GIMAP8: variants seen among roughly 807,000 people sequenced by gnomAD.
The protein encoded by GIMAP8 is GTPase IMAP family member 8.
Under a neutral mutation model 35.6 loss-of-function variants are expected in GIMAP8, and 29 were observed. The observed-to-expected ratio is 0.81, with a 90% CI of 0.61 to 1.11. The LOEUF (loss-of-function observed/expected upper bound fraction) is 1.11, where lower values mean the gene tolerates loss of function less well. Ranked by LOEUF, GIMAP8 falls within the 50% of genes most tolerant of loss-of-function variation. The probability of loss-of-function intolerance (pLI) is 0.00; values close to 1 mark genes in which losing one functional copy is unlikely to be tolerated. For synonymous variants in GIMAP8, 335 were observed against 308.7 expected, an observed-to-expected ratio of 1.09 and a Z score of -0.89; for missense variants, 811 against 805.0, an observed-to-expected ratio of 1.01 and a Z score of -0.09.
intron 4 of GIMAP8, among the ~76,000 whole-genome samples, chr7:150,475,446 A>G (rs1042168843): frequency 6.6e-6 from 1 of 152,160 alleles, no homozygotes; most frequent in Non-Finnish European, 1.5e-5. Flanking sequence ...GATCTTTACT[A>G]TCTCTTCAAC....
Position 150,472,092 on chromosome 7 carries a change from C to T in GIMAP8, c.682+1218C>T, listed in dbSNP as rs1040003671. Among the ~76,000 whole-genome samples, 5 of 152,250 alleles carry T rather than the reference C, an allele frequency of 3.3e-5. No individual in the cohort carries two copies. Among genetic ancestry groups the T allele is most frequent in the Non-Finnish European group, 4.4e-5 (3 of 68,030 alleles). On this transcript the variant is annotated intron_variant, in intron 3 of 4. Transcript: ENST00000307271. The surrounding 1 kb of genome is among the most constrained non-coding windows in gnomAD (Gnocchi z 4.1). Reference sequence around the variant, plus strand: ...CCCTTTGGCCGAGACCCCAGGAACACACGTGTGACTGAACAAAAGTGCGTT... The same window carrying T: ...CCCTTTGGCCGAGACCCCAGGAACATACGTGTGACTGAACAAAAGTGCGTT...
intron 1 of GIMAP8, among the ~76,000 whole-genome samples, chr7:150,460,085 G>T (rs1801812926): frequency 2.0e-5 from 3 of 152,098 alleles, no homozygotes; most frequent in South Asian, 2.1e-4. Context: ...AGCCAGATTG[G>T]CCTTAGTGAA....
intron 3 of GIMAP8, among the ~76,000 whole-genome samples, chr7:150,471,468 A>G (rs946912605): frequency 1.3e-5 from 2 of 152,260 alleles, no homozygotes; most frequent in African/African-American, 4.8e-5. Flanking sequence ...CCAGTCGTGA[A>G]TAAGATAGAC....
rs555975141 is a variant in GIMAP8, at chr7:150,450,681, A to C, written c.-523A>C. 84 of 152,398 alleles carry C rather than the reference A, an allele frequency of 5.5e-4. No homozygotes were observed. The highest frequency in any genetic ancestry group is 1.8e-3 in the African/African-American group (73 of 41,572). 9.4% of individuals were successfully genotyped at this position (152,398 alleles called of 1,614,324 possible). On this transcript the variant is annotated 5_prime_UTR_variant, in exon 1 of 5. Transcript: ENST00000307271. This position sits in a 1 kb window ranked among gnomAD's most constrained non-coding sequence, Gnocchi z 4.4. ...CCACAATCTCTGTCCTCTCAGGAACAGGAACTGGCTTGACGTCCTTTTCCT... is the reference window on the plus strand; with the variant it reads ...CCACAATCTCTGTCCTCTCAGGAACCGGAACTGGCTTGACGTCCTTTTCCT...
chr7:150,462,462 G>T (rs1801862098), intron 1 of GIMAP8, among the ~76,000 whole-genome samples: 1 of 152,110 alleles, frequency 6.6e-6, no homozygotes, highest in African/African-American at 2.4e-5. Flanking sequence ...TTTTCATGGT[G>T]GTAGATACTG....
intron 1 of GIMAP8, among the ~76,000 whole-genome samples, chr7:150,459,580 T>C (rs1006679016): frequency 1.3e-5 from 2 of 152,158 alleles, no homozygotes; most frequent in East Asian, 1.9e-4. Flanking sequence ...CCGGAGCATA[T>C]AGAGCCTCCT....
In GIMAP8 at chr7:150,464,927, T is replaced by A. The variant is rs753755267; in HGVS notation, c.-28-1744T>A. Reference sequence around the variant, plus strand: ...ACATTGTGAATTGGCAGCTAAGGGATCTTTGCCCTCTGCTGGAGCAGTTTT... The same window carrying A: ...ACATTGTGAATTGGCAGCTAAGGGAACTTTGCCCTCTGCTGGAGCAGTTTT... On this transcript the variant is annotated intron_variant, in intron 1 of 4. Transcript: ENST00000307271. Among the ~76,000 whole-genome samples the A allele has an allele frequency of 3.3e-5, 5 of 152,136 alleles. No homozygotes were observed. The East Asian group carries it at 9.6e-4, about 29-fold the overall frequency.
In GIMAP8 at chr7:150,477,089, C is replaced by A. The variant is rs777075844; in HGVS notation, c.1310-3C>A. On this transcript the variant is annotated splice_polypyrimidine_tract_variant and splice_region_variant and intron_variant, in intron 4 of 4. Coordinates refer to ENST00000307271, the MANE Select transcript of GIMAP8 (RefSeq NM_175571.4). ...ACGAATCTTTCCCACTTTCCTTTGA[C>A]AGAAACCCTGAACATTGTCCTTGTG... 1 of 1,592,956 alleles carries A rather than the reference C, an allele frequency of 6.3e-7. No homozygotes were observed. The highest frequency in any genetic ancestry group is 1.7e-5 in the Admixed American group (1 of 59,202).
intron 1 of GIMAP8, among the ~76,000 whole-genome samples, chr7:150,462,001 T>A (rs1041742905): frequency 3.9e-5 from 6 of 152,162 alleles, no homozygotes; most frequent in Non-Finnish European, 8.8e-5. Context: ...TCTTATAGGT[T>A]CTGGGATAGG....
At chr7:150,461,038 G>T (rs954949154) in intron 1 of GIMAP8, among the ~76,000 whole-genome samples, 1 of 152,230 alleles carries the variant, frequency 6.6e-6, no homozygotes, top group Non-Finnish European at 1.5e-5. Context: ...TTATCTATAA[G>T]GGCCTGCCAA....
intron 1 of GIMAP8, among the ~76,000 whole-genome samples, chr7:150,452,635 G>GTA (rs1292021323): frequency 1.6e-5 from 2 of 122,026 alleles, no homozygotes; most frequent in Admixed American, 8.7e-5. Context: ...GTGTATATAT[G>GTA]TATATATATG....
At chr7:150,471,026 A>C in intron 3 of GIMAP8, 152 bp downstream of exon 3, 1 of 657,072 alleles carries the variant, frequency 1.5e-6, no homozygotes, top group Non-Finnish European at 2.7e-6. Flanking sequence ...ATCCCCTAGG[A>C]AACTCCTAAC....
At chr7:150,475,735 C>T (rs1044606304) in intron 4 of GIMAP8, among the ~76,000 whole-genome samples, 6 of 152,040 alleles carry the variant, frequency 3.9e-5, no homozygotes, top group African/African-American at 1.4e-4. Context: ...AGTATAGATA[C>T]ATGGGAAAGT....
intron 1 of GIMAP8, among the ~76,000 whole-genome samples, chr7:150,461,362 G>C (rs1608627): frequency 0.29 from 44,785 of 152,076 alleles, 6,998 homozygotes; most frequent in East Asian, 0.44. Flanking sequence ...TTGGGGTCTA[G>C]CTCTCTCTTT....
In GIMAP8 at chr7:150,477,955, G is replaced by T. The variant is rs1328043151; in HGVS notation, c.*175G>T. The T allele has an allele frequency of 3.4e-6, 2 of 594,216 alleles. No homozygotes were observed. Among genetic ancestry groups the T allele is most frequent in the Non-Finnish European group, 3.0e-6 (1 of 335,618 alleles). 36.8% of individuals were successfully genotyped at this position (594,216 alleles called of 1,614,324 possible). On this transcript the variant is annotated 3_prime_UTR_variant, in exon 5 of 5. Coordinates refer to ENST00000307271, the MANE Select transcript of GIMAP8 (RefSeq NM_175571.4). The stretch of plus-strand genomic sequence containing the variant: ...ATTTGTAGATAAATAAATTGCAGGT[G>T]GGGGCGAATAGTAGGGTATTATAAA...
chr7:150,467,279 A>C lies in GIMAP8; in HGVS notation c.581A>C (p.Asn194Thr), dbSNP rs753025993. 5.6e-6 allele frequency: 9 copies of C among 1,614,132 alleles called. No individual in the cohort carries two copies. Among genetic ancestry groups the C allele is most frequent in the African/African-American group, 1.3e-5 (1 of 74,952 alleles). The change falls in exon 2 of 5, where the codon AAT becomes ACT. Residue 194 changes from asparagine (N) to threonine (T), a missense_variant. Transcript: ENST00000307271. ...ELLRKVESLV[N>T]TNGGPYHVNF... ...CTTCGCAAGGTTGAGTCTTTGGTGA[A>C]TACGAACGGAGGACCCTATCATGTG...
At chr7:150,464,508 C>A (rs1424823068) in intron 1 of GIMAP8, among the ~76,000 whole-genome samples, 1 of 152,006 alleles carries the variant, frequency 6.6e-6, no homozygotes, top group African/African-American at 2.4e-5. Flanking sequence ...ATAGAGAGAC[C>A]CCATCTCTAC....
At chr7:150,473,593 T>A (rs941264424) in intron 3 of GIMAP8, among the ~76,000 whole-genome samples, 40 of 150,992 alleles carry the variant, frequency 2.6e-4, no homozygotes, top group African/African-American at 8.3e-4. Context: ...ACTTTTTTTT[T>A]AATTGCTGAG....
Position 150,477,826 on chromosome 7 carries a change from T to C in GIMAP8, c.*46T>C, listed in dbSNP as rs1232496148. 4.7e-6 allele frequency: 7 copies of C among 1,502,754 alleles called. No homozygotes were observed. Among genetic ancestry groups the C allele is most frequent in the African/African-American group, 1.4e-5 (1 of 71,404 alleles). 93.1% of individuals were successfully genotyped at this position (1,502,754 alleles called of 1,614,324 possible). On this transcript the variant is annotated 3_prime_UTR_variant, in exon 5 of 5. Coordinates refer to ENST00000307271, the MANE Select transcript of GIMAP8 (RefSeq NM_175571.4). Reference sequence around the variant, plus strand: ...CTCTTCAATTAGAGACACCCTCAGGTTGGGGGGAGGGGCGGGGCATGGTAC... The same window carrying C: ...CTCTTCAATTAGAGACACCCTCAGGCTGGGGGGAGGGGCGGGGCATGGTAC...
Sources: allele counts gnomAD v4.1 joint callset (sites outside exome capture counted in the v4.1 genomes callset), GRCh38; gene constraint gnomAD v4.1.1; non-coding constraint Gnocchi (gnomAD v3.1); transcripts MANE v1.5; gene names NCBI Gene and HGNC (gene_info 2026-07-23, HGNC 2026-07-21).